Variants in SAMD5 observed in about 807,000 individuals in gnomAD.
The protein encoded by SAMD5 is sterile alpha motif domain containing 5.
A neutral mutation model predicts 11.3 loss-of-function variants in SAMD5; 13 were observed. The ratio of observed to expected loss-of-function variants is 1.15; its 90% confidence interval spans 0.75 to 1.83. The LOEUF (loss-of-function observed/expected upper bound fraction) is 1.83, where lower values mean the gene tolerates loss of function less well. Among genes scored for constraint, SAMD5 ranks in the 40% most tolerant of loss-of-function variants. SAMD5 has a pLI of 0.00. For synonymous variants in SAMD5, 129 were observed against 111.3 expected (o/e 1.16, Z -1.00); for missense variants, 255 against 239.1 (o/e 1.07, Z -0.44).
intron 1 of SAMD5, among the ~76,000 whole-genome samples, chr6:147,734,907 G>A (rs912435156): frequency 7.2e-5 from 11 of 151,930 alleles, no homozygotes; most frequent in African/African-American, 2.7e-4. Context: ...ACTTCTGCAA[G>A]GTATTGACTC....
At chr6:147,653,614 T>C (rs1044077671) in intron 1 of SAMD5, among the ~76,000 whole-genome samples, 2 of 152,360 alleles carry the variant, frequency 1.3e-5, no homozygotes, top group Admixed American at 6.5e-5. Context: ...ATGCTCTGTG[T>C]GTATGAAATT....
intron 1 of SAMD5, among the ~76,000 whole-genome samples, chr6:147,517,375 C>T (rs1010235410): frequency 6.6e-6 from 1 of 152,134 alleles, no homozygotes; most frequent in Non-Finnish European, 1.5e-5. Flanking sequence ...TAAGCGCTCA[C>T]CTGTGGTAGC....
chr6:147,526,491 A>T (rs1310726011), intron 1 of SAMD5, among the ~76,000 whole-genome samples: 1 of 152,234 alleles, frequency 6.6e-6, no homozygotes, highest in Non-Finnish European at 1.5e-5. Flanking sequence ...GCCAAAATGA[A>T]ATACAAACCT....
chr6:147,937,562 G>A, the SAMD5 span, among the ~76,000 whole-genome samples: 1 of 152,130 alleles, frequency 6.6e-6, no homozygotes, highest in Non-Finnish European at 1.5e-5. Flanking sequence ...TTGGGAGCAG[G>A]GGTTGTTGAT....
At chr6:147,563,490 A>G (rs1245373248) in intron 1 of SAMD5, among the ~76,000 whole-genome samples, 1 of 152,192 alleles carries the variant, frequency 6.6e-6, no homozygotes, top group Non-Finnish European at 1.5e-5. Flanking sequence ...AAGCAGCACA[A>G]AATTTCCAGG....
intron 1 of SAMD5, among the ~76,000 whole-genome samples, chr6:147,618,496 T>C (rs1293984565): frequency 6.6e-6 from 1 of 152,174 alleles, no homozygotes; most frequent in Non-Finnish European, 1.5e-5. Context: ...AAGAGTACTT[T>C]GCAGCCAGTG....
rs182999921 is a variant in SAMD5, at chr6:147,649,036, G to T, written c.163-88281G>T. Among the ~76,000 whole-genome samples, 1,122 of 152,276 alleles carry T rather than the reference G, an allele frequency of 7.4e-3. 5 individuals are homozygous for T. Among genetic ancestry groups the T allele is most frequent in the Non-Finnish European group, 0.012 (845 of 68,026 alleles). On this transcript the variant is annotated intron_variant, in intron 1 of 1. Coordinates refer to the SAMD5 transcript ENST00000566741. ...AATATTTTTTAGATGACCTCTGTTG[G>T]ATTCTTATTAGCAATGTTTATGTTC... is the stretch of plus-strand genomic sequence containing the variant.
At chr6:147,931,145 GAA>G in the SAMD5 span, among the ~76,000 whole-genome samples, 1 of 152,174 alleles carries the variant, frequency 6.6e-6, no homozygotes, top group African/African-American at 2.4e-5. Flanking sequence ...GGCTTTTGGA[GAA>G]AAGTTTTGAC....
At chr6:147,564,227 A>G (rs898299546) in intron 1 of SAMD5, among the ~76,000 whole-genome samples, 167 bp from the exon 2 acceptor site, 4 of 152,208 alleles carry the variant, frequency 2.6e-5, no homozygotes, top group African/African-American at 9.6e-5. Flanking sequence ...TGAAAGAGAA[A>G]ATTGATAGAT....
At chr6:147,696,831 T>C (rs1791182870) in intron 1 of SAMD5, among the ~76,000 whole-genome samples, 1 of 152,234 alleles carries the variant, frequency 6.6e-6, no homozygotes, top group African/African-American at 2.4e-5. Flanking sequence ...GTGCGTTCCA[T>C]TAACCTGCCT....
chr6:147,612,198 G>T lies in SAMD5; in HGVS notation c.162+102811G>T, dbSNP rs369712722. Among the ~76,000 whole-genome samples, 146 of 152,210 alleles carry T rather than the reference G, an allele frequency of 9.6e-4. 3 individuals carry two copies. In the South Asian group the frequency reaches 0.017, roughly 18 times the overall value. ...ACCCATCTCTCGTCATGATGGGGAG[G>T]TCACGTGGTTTCCATATGGTGACAC... On this transcript the variant is annotated intron_variant, in intron 1 of 1. Coordinates refer to the SAMD5 transcript ENST00000566741.
At chr6:147,597,867 G>A (rs1789555005) in intron 1 of SAMD5, among the ~76,000 whole-genome samples, 1 of 152,096 alleles carries the variant, frequency 6.6e-6, no homozygotes, top group East Asian at 1.9e-4. Flanking sequence ...GGGCATGACT[G>A]ACCCATCCTG....
chr6:147,509,037 G>C lies in SAMD5; in HGVS notation c.109G>C (p.Gly37Arg). Residue 37 changes from glycine to arginine, a missense_variant, in exon 1 of 2, where the codon GGG becomes CGG. Transcript: ENST00000367474. Reference sequence around the variant, plus strand: ...TGACCTGGAGGTGTGCAAGCAGATCGGGGACCCGGACCTGGATGCCATCGG... The same window carrying C: ...TGACCTGGAGGTGTGCAAGCAGATCCGGGACCCGGACCTGGATGCCATCGG... Reference protein sequence around the residue: ...YDDLEVCKQIGDPDLDAIGVL... With the variant: ...YDDLEVCKQIRDPDLDAIGVL... 2 of 1,607,096 alleles carry C rather than the reference G, an allele frequency of 1.2e-6. No individual in the cohort carries two copies. The highest frequency in any genetic ancestry group is 1.7e-6 in the Non-Finnish European group (2 of 1,177,506).
chr6:147,844,954 GTTGTATATTT>G, the SAMD5 span, among the ~76,000 whole-genome samples: 1 of 151,974 alleles, frequency 6.6e-6, no homozygotes, highest in African/African-American at 2.4e-5. Flanking sequence ...ATAATAATGT[GTTGTATATTT>G]CAAATAGCTA....
At chr6:147,802,134 A>T in the SAMD5 span, among the ~76,000 whole-genome samples, 1 of 152,200 alleles carries the variant, frequency 6.6e-6, no homozygotes, top group African/African-American at 2.4e-5. Context: ...ACACTGGGAG[A>T]AAAGGTTTAC....
intron 1 of SAMD5, among the ~76,000 whole-genome samples, chr6:147,620,561 G>A (rs1322293121): frequency 1.3e-5 from 2 of 152,172 alleles, no homozygotes; most frequent in African/African-American, 2.4e-5. Flanking sequence ...GGTAGAAGAA[G>A]TAAATGCCAT....
At chr6:147,696,256 G>C (rs1344551851) in intron 1 of SAMD5, among the ~76,000 whole-genome samples, 2 of 152,070 alleles carry the variant, frequency 1.3e-5, no homozygotes, top group African/African-American at 4.8e-5. Context: ...ATTCTCTCCT[G>C]AACTTCTTAG....
chr6:147,649,790 C>CAAA (rs34595414), intron 1 of SAMD5, among the ~76,000 whole-genome samples: 54 of 106,446 alleles, frequency 5.1e-4, no homozygotes, highest in African/African-American at 1.9e-3. Flanking sequence ...GACAACGTCT[C>CAAA]AAAAAAAAAA....
intron 1 of SAMD5, among the ~76,000 whole-genome samples, chr6:147,519,270 A>G (rs1312171194): frequency 6.6e-6 from 1 of 152,224 alleles, no homozygotes; most frequent in East Asian, 1.9e-4. Context: ...CCCAAAATGT[A>G]TCATTTTTTA....
Sources: gnomAD v4.1 joint callset for allele counts (sites outside exome capture counted in the v4.1 genomes callset) on GRCh38, gnomAD v4.1.1 for gene constraint, MANE v1.5 for transcripts, NCBI Gene and HGNC (gene_info 2026-07-23, HGNC 2026-07-21) for gene names.